SMIM36: variants seen among roughly 807,000 people sequenced by gnomAD.
SMIM36 encodes the protein small integral membrane protein 36.
intron 1 of SMIM36, among the ~76,000 whole-genome samples, chr17:55,480,740 A>T (rs1034873578): frequency 2.6e-5 from 4 of 152,200 alleles, no homozygotes; most frequent in Non-Finnish European, 4.4e-5. Flanking sequence ...GTTTCCCCAT[A>T]GGAGCTTGGC....
intron 4 of SMIM36, among the ~76,000 whole-genome samples, chr17:55,459,882 A>G (rs1242446914): frequency 1.3e-5 from 2 of 152,198 alleles, no homozygotes; most frequent in African/African-American, 4.8e-5. Flanking sequence ...CTATAATCCC[A>G]GCGACTTTGG....
chr17:55,512,091 A>G (rs1243203314), upstream of SMIM36, among the ~76,000 whole-genome samples: 3 of 152,232 alleles, frequency 2.0e-5, no homozygotes, highest in East Asian at 5.8e-4. Context: ...AATAGAGGGT[A>G]AGAGGACAGC....
the SMIM36 span, among the ~76,000 whole-genome samples, chr17:55,530,552 A>G: frequency 6.6e-6 from 1 of 152,214 alleles, no homozygotes. Context: ...TGGGAGGCCA[A>G]GGCAGGCGGA....
At chr17:55,471,861 T>C (rs1487337943) in intron 3 of SMIM36, among the ~76,000 whole-genome samples, 1 of 152,222 alleles carries the variant, frequency 6.6e-6, no homozygotes, top group Non-Finnish European at 1.5e-5. Context: ...TGTGTCTGCC[T>C]GAGGCAGCAG....
chr17:55,472,302 T>C (rs1241783215), intron 3 of SMIM36, among the ~76,000 whole-genome samples: 2 of 152,222 alleles, frequency 1.3e-5, no homozygotes, highest in African/African-American at 2.4e-5. Context: ...CTCCCTCCAC[T>C]ACTTCCCAAC....
At chr17:55,525,816 C>T in the SMIM36 span, among the ~76,000 whole-genome samples, 1 of 152,028 alleles carries the variant, frequency 6.6e-6, no homozygotes, top group Non-Finnish European at 1.5e-5. Flanking sequence ...CGCCACCATG[C>T]CTGGCTAATT....
At chr17:55,526,736 C>T in the SMIM36 span, among the ~76,000 whole-genome samples, 73 of 152,120 alleles carry the variant, frequency 4.8e-4, no homozygotes, top group Non-Finnish European at 9.0e-4. Flanking sequence ...TGGGCGACAA[C>T]AGAAAAAATA....
intron 1 of SMIM36, among the ~76,000 whole-genome samples, chr17:55,497,071 C>T (rs1466935887): frequency 6.6e-6 from 1 of 152,094 alleles, no homozygotes; most frequent in African/African-American, 2.4e-5. Context: ...ACTGTCTTTG[C>T]TTCACTCTAA....
chr17:55,478,913 A>G (rs979508828), intron 2 of SMIM36, 100 bp from the exon 3 acceptor site: 20 of 152,214 alleles, frequency 1.3e-4, no homozygotes, highest in African/African-American at 4.8e-4. Context: ...AATCTGGGAA[A>G]GGAGAATGCA....
chr17:55,478,578 T>C (rs1442425562), intron 3 of SMIM36, among the ~76,000 whole-genome samples, 184 bp downstream of exon 3: 1 of 152,138 alleles, frequency 6.6e-6, no homozygotes, highest in African/African-American at 2.4e-5. Flanking sequence ...TCTGGTAGGA[T>C]TTAGGAATAA....
chr17:55,518,683 G>T, the SMIM36 span, among the ~76,000 whole-genome samples: 1 of 152,252 alleles, frequency 6.6e-6, no homozygotes, highest in African/African-American at 2.4e-5. Flanking sequence ...TAGAAAGCAG[G>T]GTGTCAGTGA....
intron 1 of SMIM36, among the ~76,000 whole-genome samples, chr17:55,485,809 G>A (rs1221315397): frequency 1.3e-5 from 2 of 152,114 alleles, no homozygotes; most frequent in East Asian, 3.8e-4. Flanking sequence ...ATGAGGAAAC[G>A]GAGGCACTGA....
intron 4 of SMIM36, among the ~76,000 whole-genome samples, chr17:55,454,925 C>T (rs189772554): frequency 7.7e-4 from 117 of 152,126 alleles, no homozygotes; most frequent in Non-Finnish European, 1.5e-3. Flanking sequence ...AATGTATTCC[C>T]TATGTGTGGG....
chr17:55,491,670 T>C (rs576473134), intron 1 of SMIM36, among the ~76,000 whole-genome samples: 1 of 152,328 alleles, frequency 6.6e-6, no homozygotes, highest in South Asian at 2.1e-4. Context: ...GTTTGCCTAT[T>C]CCCTCTTTCT....
At chr17:55,501,693 T>C (rs150465067) in intron 1 of SMIM36, among the ~76,000 whole-genome samples, 1 of 141,408 alleles carries the variant, frequency 7.1e-6, no homozygotes, top group East Asian at 2.0e-4. Flanking sequence ...TGTTTATATA[T>C]AGTCCCATGA....
chr17:55,489,498 A>G (rs186928981), intron 1 of SMIM36, among the ~76,000 whole-genome samples: 1 of 152,354 alleles, frequency 6.6e-6, no homozygotes, highest in African/African-American at 2.4e-5. Context: ...AAAGTTTTGT[A>G]TTTGTCTGAA....
intron 4 of SMIM36, among the ~76,000 whole-genome samples, chr17:55,453,867 G>A (rs967168798): frequency 1.3e-5 from 2 of 152,216 alleles, no homozygotes; most frequent in Non-Finnish European, 2.9e-5. Context: ...AAATAACTTA[G>A]TGTTTTCCCC....
At chr17:55,468,656 A>G (rs2143253638) in intron 3 of SMIM36, among the ~76,000 whole-genome samples, 1 of 152,232 alleles carries the variant, frequency 6.6e-6, no homozygotes, top group East Asian at 1.9e-4. Flanking sequence ...ATTACAGCCT[A>G]GGGTGGCTCA....
intron 1 of SMIM36, among the ~76,000 whole-genome samples, chr17:55,486,277 T>A (rs778809236): frequency 2.0e-5 from 3 of 152,162 alleles, no homozygotes; most frequent in Non-Finnish European, 4.4e-5. Context: ...GACCTCGTGA[T>A]CCACACACCT....
Sources: allele counts gnomAD v4.1 joint callset (sites outside exome capture counted in the v4.1 genomes callset), GRCh38; gene constraint gnomAD v4.1.1; transcripts MANE v1.5; gene names NCBI Gene and HGNC (gene_info 2026-07-23, HGNC 2026-07-21).